Variants in CALCRL observed in about 807,000 individuals in gnomAD.
CALCRL encodes calcitonin gene-related peptide type 1 receptor.
In CALCRL, 27 loss-of-function variants were observed where a neutral mutation model predicts 60.4. The ratio of observed to expected loss-of-function variants is 0.45; its 90% CI spans 0.33 to 0.62. The LOEUF (loss-of-function observed/expected upper bound fraction) is 0.62. Ranked by LOEUF, CALCRL falls within the 20% of genes least tolerant of loss-of-function variation. The pLI is 0.03. For synonymous variants in CALCRL, 190 were observed against 182.6 expected, an observed-to-expected ratio of 1.04 and a Z score of -0.33; for missense variants, 424 against 540.7, an observed-to-expected ratio of 0.78 and a Z score of 2.14.
intron 1 of CALCRL, among the ~76,000 whole-genome samples, chr2:187,391,973 CAATAGTGT>C (rs1194482867): frequency 6.6e-6 from 1 of 151,928 alleles, no homozygotes; most frequent in Non-Finnish European, 1.5e-5. Flanking sequence ...TCTTGACATG[CAATAGTGT>C]AAAAGCATGT....
At chr2:187,447,853 C>T (rs1490764488) in intron 1 of CALCRL, among the ~76,000 whole-genome samples, 186 bp downstream of exon 1, 1 of 151,840 alleles carries the variant, frequency 6.6e-6, no homozygotes, top group Non-Finnish European at 1.5e-5. Context: ...ACAATATTAT[C>T]TAGTAGTATT....
chr2:187,403,837 C>T (rs1456409905), intron 1 of CALCRL, among the ~76,000 whole-genome samples: 2 of 151,840 alleles, frequency 1.3e-5, no homozygotes, highest in Non-Finnish European at 2.9e-5. Context: ...ATCATTTACT[C>T]CTCTGACTAA....
At chr2:187,396,942 G>C (rs1688680822) in intron 1 of CALCRL, among the ~76,000 whole-genome samples, 1 of 151,636 alleles carries the variant, frequency 6.6e-6, no homozygotes, top group South Asian at 2.1e-4. Context: ...AGTAGAAACA[G>C]TAGTTGTACT....
rs565897064 is a variant in CALCRL at position 187,346,505 on chromosome 2, A to T, written c.1171-106T>A. On this transcript the variant is annotated intron_variant, in intron 14 of 14. Coordinates refer to ENST00000392370, the MANE Select transcript of CALCRL (RefSeq NM_005795.6). ...ATAGGTCTTGGAGAAGAGCTTTTTT[A>T]AAAAAAGTTATGTTAATCAGTGAAT... 1.6e-4 allele frequency: 118 copies of T among 721,226 alleles called. 1 individual carries two copies. The highest frequency in any genetic ancestry group is 2.3e-4 in the Non-Finnish European group (102 of 446,624). The allele number at this position is 721,226 out of a possible 1,614,324, so 44.7% of individuals were successfully genotyped here.
intron 14 of CALCRL, among the ~76,000 whole-genome samples, chr2:187,346,837 C>T (rs1173880636): frequency 9.3e-6 from 1 of 107,822 alleles, no homozygotes; most frequent in Non-Finnish European, 2.2e-5. Flanking sequence ...ACGAAGAATA[C>T]AAATCAGCAG....
chr2:187,444,509 G>C (rs1279371204), intron 1 of CALCRL, among the ~76,000 whole-genome samples: 2 of 151,408 alleles, frequency 1.3e-5, no homozygotes, highest in African/African-American at 4.8e-5. Flanking sequence ...TACACTATTT[G>C]GGCCATTTTT....
At chr2:187,384,182 T>C (rs1688108434) in intron 4 of CALCRL, among the ~76,000 whole-genome samples, 1 of 152,210 alleles carries the variant, frequency 6.6e-6, no homozygotes, top group South Asian at 2.1e-4. Context: ...AGCTTAAGTT[T>C]TACCATTGTG....
Position 187,346,259 on chromosome 2 carries a change from A to C in CALCRL, c.1311T>G (p.Pro437=). 1 of 1,612,286 alleles carries C rather than the reference A, an allele frequency of 6.2e-7. No individual in the cohort carries two copies. Among genetic ancestry groups the C allele is most frequent in the Non-Finnish European group, 8.5e-7 (1 of 1,178,862 alleles). The stretch of plus-strand genomic sequence containing the variant: ...TGCTTTTTCCATTTAAGTGTTCACT[A>C]GGACAGTCATGACTATAACCTGGAC... ...SDGPGYSHDC[P]SEHLNGKSIH... is the part of the protein sequence containing the mutation. The change falls in exon 15 of 15, where the codon CCT becomes CCG. Residue 437 remains proline, a synonymous_variant. Coordinates refer to ENST00000392370, the MANE Select transcript of CALCRL (RefSeq NM_005795.6).
intron 1 of CALCRL, among the ~76,000 whole-genome samples, chr2:187,404,608 C>T (rs1007707087): frequency 3.3e-5 from 5 of 150,746 alleles, no homozygotes; most frequent in Admixed American, 2.0e-4. Context: ...CAAACTGCAG[C>T]TTGGCTCGTA....
At chr2:187,418,906 G>T (rs1270145597) in intron 1 of CALCRL, among the ~76,000 whole-genome samples, 4 of 146,998 alleles carry the variant, frequency 2.7e-5, no homozygotes, top group Non-Finnish European at 6.0e-5. Context: ...ACCAGGCTGG[G>T]GTGCAGTGGC....
chr2:187,360,201 T>A (rs78091580), intron 10 of CALCRL, among the ~76,000 whole-genome samples: 131 of 152,220 alleles, frequency 8.6e-4, no homozygotes, highest in Middle Eastern at 3.4e-3. Flanking sequence ...AAACAAATAT[T>A]TTTAGAATGG....
chr2:187,355,753 A>G (rs1686749853), intron 12 of CALCRL, among the ~76,000 whole-genome samples: 1 of 152,140 alleles, frequency 6.6e-6, no homozygotes, highest in Non-Finnish European at 1.5e-5. Flanking sequence ...AGAAAACCCC[A>G]TCGACTCAGC....
intron 12 of CALCRL, among the ~76,000 whole-genome samples, chr2:187,358,178 C>T (rs974084384): frequency 6.6e-6 from 1 of 151,848 alleles, no homozygotes; most frequent in East Asian, 1.9e-4. Flanking sequence ...TAGTGAGATC[C>T]TGTCTCTATA....
chr2:187,360,718 A>G lies in CALCRL; in HGVS notation c.661T>C (p.Tyr221His). ...SCKVSQFIHLYLMGCNYFWML... is the reference protein window; with the variant it reads ...SCKVSQFIHLHLMGCNYFWML... ...CAAAAGTAATTACAGCCCATCAGGT[A>G]AAGATGAATGAACTGGGACACTTTG... The change falls in exon 10 of 15, where the codon TAC (tyrosine) becomes CAC (histidine). Residue 221 changes from tyrosine (Y) to histidine (H), a missense_variant. Transcript: ENST00000392370. The G allele has an allele frequency of 6.2e-7, 1 of 1,612,506 alleles. No individual in the cohort carries two copies. Among genetic ancestry groups the G allele is most frequent in the Non-Finnish European group, 8.5e-7 (1 of 1,179,072 alleles).
chr2:187,352,618 C>T (rs113697676), intron 12 of CALCRL, among the ~76,000 whole-genome samples: 63 of 151,838 alleles, frequency 4.1e-4, no homozygotes, highest in South Asian at 1.0e-3. Context: ...TTTCTCAGCT[C>T]ATTTTCACGT....
chr2:187,391,781 T>C (rs1213695372), intron 1 of CALCRL, among the ~76,000 whole-genome samples: 1 of 152,114 alleles, frequency 6.6e-6, no homozygotes, highest in Admixed American at 6.6e-5. Flanking sequence ...AAAAATGATA[T>C]ATTTCATCAC....
rs1165506370 is a variant in CALCRL at position 187,380,594 on chromosome 2, A to T, written c.296-15T>A. 2.5e-6 allele frequency: 4 copies of T among 1,602,106 alleles called. No homozygotes were observed. Among genetic ancestry groups the T allele is most frequent in the Non-Finnish European group, 3.4e-6 (4 of 1,170,126 alleles). On this transcript the variant is annotated splice_polypyrimidine_tract_variant and intron_variant, in intron 6 of 14. Coordinates refer to ENST00000392370, the MANE Select transcript of CALCRL (RefSeq NM_005795.6). ...TGTAACTTTTTCTTTAAAATTAAAA[A>T]AAAAGGGAAAACAGGAATTTAATTA...
intron 12 of CALCRL, among the ~76,000 whole-genome samples, chr2:187,353,972 T>G (rs1489329508): frequency 2.0e-5 from 3 of 151,938 alleles, no homozygotes; most frequent in Non-Finnish European, 4.4e-5. Flanking sequence ...CTATTAGCTA[T>G]TTTATAAATA....
chr2:187,439,375 A>G (rs1427189117), intron 1 of CALCRL, among the ~76,000 whole-genome samples: 1 of 152,044 alleles, frequency 6.6e-6, no homozygotes, highest in Non-Finnish European at 1.5e-5. Context: ...AATTGCTCAC[A>G]CCCAGGAGAC....
Sources: allele counts gnomAD v4.1 joint callset (sites outside exome capture counted in the v4.1 genomes callset), GRCh38; gene constraint gnomAD v4.1.1; transcripts MANE v1.5; gene names NCBI Gene and HGNC (gene_info 2026-07-23, HGNC 2026-07-21).